TMEM229B: variants seen among roughly 807,000 people sequenced by gnomAD.
TMEM229B encodes the protein chromosome 14 open reading frame 83.
Under a neutral mutation model 13.7 loss-of-function variants are expected in TMEM229B, and 6 were observed. The observed-to-expected ratio is 0.44, with a 90% CI of 0.24 to 0.86. The LOEUF is 0.86. Ranked by LOEUF, TMEM229B falls within the 40% of genes least tolerant of loss-of-function variation. TMEM229B has a pLI of 0.23. For missense variants in TMEM229B, 170 were observed against 236.0 expected, an observed-to-expected ratio of 0.72 and a Z score of 1.83; for synonymous variants, 107 against 102.1, an observed-to-expected ratio of 1.05 and a Z score of -0.29.
Position 67,487,185 on chromosome 14 carries a change from G to C in TMEM229B, c.-191-13C>G, listed in dbSNP as rs1261304437. The C allele has an allele frequency of 6.6e-6, 1 of 152,212 alleles. No homozygotes were observed. The highest frequency in any genetic ancestry group is 2.1e-4 in the South Asian group (1 of 4,834). 9.4% of individuals were successfully genotyped at this position (152,212 alleles called of 1,614,324 possible). On this transcript the variant is annotated splice_polypyrimidine_tract_variant and intron_variant, in intron 1 of 2. Transcript: ENST00000554480. ...CTTCCATGTGTCCCTGGGAATAAAAGAGGAGGCTTTTATTAGCTTAAACTG... is the reference window on the plus strand; with the variant it reads ...CTTCCATGTGTCCCTGGGAATAAAACAGGAGGCTTTTATTAGCTTAAACTG...
chr14:67,508,753 C>CAA (rs757183130), intron 1 of TMEM229B, among the ~76,000 whole-genome samples: 704 of 46,716 alleles, frequency 0.015, 82 homozygotes, highest in Non-Finnish European at 0.025. Flanking sequence ...AACCTTGTCT[C>CAA]AAAAAAAAAA....
chr14:67,498,565 A>C (rs1033658763), intron 1 of TMEM229B, among the ~76,000 whole-genome samples: 2 of 152,252 alleles, frequency 1.3e-5, no homozygotes, highest in Non-Finnish European at 2.9e-5. Context: ...TGTGCCCTAA[A>C]AGCAAGGGAA....
At chr14:67,478,261 G>A (rs1443467572) in intron 2 of TMEM229B, among the ~76,000 whole-genome samples, 1 of 152,206 alleles carries the variant, frequency 6.6e-6, no homozygotes, top group Non-Finnish European at 1.5e-5. Context: ...GTACAAGTGT[G>A]GTTCAAGACC....
intron 1 of TMEM229B, among the ~76,000 whole-genome samples, chr14:67,527,579 G>C (rs1459897313): frequency 6.6e-6 from 1 of 152,182 alleles, no homozygotes. Flanking sequence ...CCCTGCAATG[G>C]CTGGCTGTGT....
At chr14:67,502,280 G>A (rs185427001) in intron 1 of TMEM229B, among the ~76,000 whole-genome samples, 1,668 of 151,390 alleles carry the variant, frequency 0.011, 18 homozygotes, top group East Asian at 0.073. Context: ...GCAGTGAGCC[G>A]AGATCGTGCC....
chr14:67,499,150 A>G (rs1176941547), intron 1 of TMEM229B, among the ~76,000 whole-genome samples: 1 of 152,066 alleles, frequency 6.6e-6, no homozygotes, highest in African/African-American at 2.4e-5. Context: ...CTACAGGCAC[A>G]TGGCACAACA....
chr14:67,485,217 C>T (rs2031803801), intron 2 of TMEM229B, among the ~76,000 whole-genome samples: 1 of 152,208 alleles, frequency 6.6e-6, no homozygotes, highest in East Asian at 1.9e-4. Flanking sequence ...GATGTGCCTC[C>T]CATCTGAGGA....
upstream of TMEM229B, among the ~76,000 whole-genome samples, chr14:67,491,152 A>G (rs2140145932): frequency 6.6e-6 from 1 of 152,286 alleles, no homozygotes; most frequent in African/African-American, 2.4e-5. Flanking sequence ...ATTTGCTAGG[A>G]TGGCTCACAG....
chr14:67,492,457 T>C (rs772269837), upstream of TMEM229B, among the ~76,000 whole-genome samples: 1 of 152,234 alleles, frequency 6.6e-6, no homozygotes, highest in Admixed American at 6.5e-5. Context: ...AAAGAGGCAG[T>C]GGCCTCACAG....
upstream of TMEM229B, among the ~76,000 whole-genome samples, chr14:67,518,131 G>T (rs1222611820): frequency 2.0e-5 from 3 of 152,192 alleles, no homozygotes; most frequent in African/African-American, 7.2e-5. Flanking sequence ...AGGTGAAGGG[G>T]CCTGGAACAA....
chr14:67,517,823 G>A (rs1555397), upstream of TMEM229B, among the ~76,000 whole-genome samples: 63,535 of 152,076 alleles, frequency 0.42, 13,868 homozygotes, highest in East Asian at 0.49. Context: ...GGTTTGGTCA[G>A]GGTTAGAGTG....
At chr14:67,496,724 TTCTC>T (rs1220095571) in intron 1 of TMEM229B, among the ~76,000 whole-genome samples, 22 of 147,976 alleles carry the variant, frequency 1.5e-4, no homozygotes, top group Middle Eastern at 6.9e-3. Context: ...TTTTCTTTCT[TTCTC>T]TCTCTCTCTC....
intron 1 of TMEM229B, among the ~76,000 whole-genome samples, chr14:67,507,135 G>A (rs757582376): frequency 7.2e-5 from 11 of 152,140 alleles, no homozygotes; most frequent in Non-Finnish European, 1.0e-4. Context: ...CAGGTAGTTA[G>A]GGCAACAGAG....
In TMEM229B at chr14:67,487,010, C is replaced by T. The variant is rs2031919495; in HGVS notation, c.-29G>A. Reference sequence around the variant, plus strand: ...TTGTAACATACTCACTTATCACACCCTTGAGTGTGCAGCTCACAACAGACA... The same window carrying T: ...TTGTAACATACTCACTTATCACACCTTTGAGTGTGCAGCTCACAACAGACA... On this transcript the variant is annotated 5_prime_UTR_variant, in exon 2 of 3. Transcript: ENST00000554480. 1 of 152,194 alleles carries T rather than the reference C, an allele frequency of 6.6e-6. No homozygotes were observed. Among genetic ancestry groups the T allele is most frequent in the South Asian group, 2.1e-4 (1 of 4,818 alleles). The allele number at this position is 152,194 out of a possible 1,614,324, so 9.4% of individuals were successfully genotyped here.
upstream of TMEM229B, among the ~76,000 whole-genome samples, chr14:67,516,148 G>C (rs2033196083): frequency 6.6e-6 from 1 of 152,218 alleles, no homozygotes; most frequent in Admixed American, 6.5e-5. Context: ...CTGGTCCTGG[G>C]TCCTGCAGAA....
intron 2 of TMEM229B, among the ~76,000 whole-genome samples, chr14:67,480,226 C>T (rs999805002): frequency 6.6e-6 from 1 of 152,172 alleles, no homozygotes; most frequent in Middle Eastern, 3.2e-3. Context: ...CACTGTGCCC[C>T]TGCTCTCGGC....
At chr14:67,494,650 G>A (rs2032296332) in intron 1 of TMEM229B, among the ~76,000 whole-genome samples, 2 of 152,192 alleles carry the variant, frequency 1.3e-5, no homozygotes, top group Admixed American at 6.5e-5. Flanking sequence ...TGCTCAGCAG[G>A]TACATCCCAC....
At chr14:67,526,349 C>G (rs1021068500) in intron 1 of TMEM229B, among the ~76,000 whole-genome samples, 1 of 152,198 alleles carries the variant, frequency 6.6e-6, no homozygotes, top group South Asian at 2.1e-4. Flanking sequence ...GTCCCCTGCC[C>G]GTGTAACATG....
upstream of TMEM229B, among the ~76,000 whole-genome samples, chr14:67,517,859 A>G (rs2033231384): frequency 6.6e-6 from 1 of 152,184 alleles, no homozygotes; most frequent in Non-Finnish European, 1.5e-5. Flanking sequence ...TGCAGTTCAA[A>G]CTCAGGTCTT....
Sources: gnomAD v4.1 joint callset for allele counts (sites outside exome capture counted in the v4.1 genomes callset) on GRCh38, gnomAD v4.1.1 for gene constraint, MANE v1.5 for transcripts, NCBI Gene and HGNC (gene_info 2026-07-23, HGNC 2026-07-21) for gene names.